The following DENND5B variants were observed in gnomAD, a reference collection of about 807,000 sequenced individuals.
DENND5B encodes DENN domain-containing protein 5B.
DENND5B carries 34 observed loss-of-function variants against 140.6 expected under a neutral mutation model. The ratio of observed to expected loss-of-function variants is 0.24; its 90% CI spans 0.18 to 0.32. DENND5B has a LOEUF of 0.32. Ranked by LOEUF, DENND5B falls within the 10% of genes least tolerant of loss-of-function variation. The probability of loss-of-function intolerance (pLI) is 1.00; values close to 1 mark genes in which losing one functional copy is unlikely to be tolerated. For missense variants in DENND5B, 1,142 were observed against 1,560.2 expected, an observed-to-expected ratio of 0.73 and a Z score of 4.52; for synonymous variants, 551 against 562.1, an observed-to-expected ratio of 0.98 and a Z score of 0.28.
intron 2 of DENND5B, among the ~76,000 whole-genome samples, chr12:31,489,320 T>C (rs991031706): frequency 2.7e-4 from 40 of 148,672 alleles, no homozygotes; most frequent in African/African-American, 9.3e-4. Flanking sequence ...TAAACACTTA[T>C]TTTGTCCCAT....
At chr12:31,462,331 A>G (rs1235995628) in intron 3 of DENND5B, among the ~76,000 whole-genome samples, 1 of 112,912 alleles carries the variant, frequency 8.9e-6, no homozygotes, top group East Asian at 3.2e-4. Context: ...TGTAGGCAAT[A>G]TGGGTCTTTT....
chr12:31,403,049 T>C (rs116793432), intron 14 of DENND5B, among the ~76,000 whole-genome samples: 2 of 152,326 alleles, frequency 1.3e-5, no homozygotes, highest in South Asian at 2.1e-4. Context: ...TGATTACTGA[T>C]ATGGTTTTAT....
chr12:31,507,877 T>C (rs1947264110), intron 1 of DENND5B, among the ~76,000 whole-genome samples: 1 of 152,198 alleles, frequency 6.6e-6, no homozygotes, highest in Non-Finnish European at 1.5e-5. Flanking sequence ...GCAAGAGTTT[T>C]CTCTTATAGA....
At chr12:31,432,953 T>G in intron 8 of DENND5B, 1 of 518,394 alleles carries the variant, frequency 1.9e-6, no homozygotes, top group East Asian at 3.3e-5. Context: ...AGAGCCTTAT[T>G]ATAGATGTCT....
intron 2 of DENND5B, among the ~76,000 whole-genome samples, chr12:31,485,787 A>G (rs1946283235): frequency 6.6e-6 from 1 of 151,536 alleles, no homozygotes; most frequent in African/African-American, 2.4e-5. Flanking sequence ...ACACTCTGGG[A>G]GCCCTGAGGC....
chr12:31,583,748 G>A (rs2139498110), intron 1 of DENND5B, among the ~76,000 whole-genome samples: 1 of 152,170 alleles, frequency 6.6e-6, no homozygotes, highest in African/African-American at 2.4e-5. Context: ...TCTGGCATGT[G>A]GAAAGCACTC....
chr12:31,496,055 G>A, intron 1 of DENND5B, 136 bp from the exon 2 acceptor site: 1 of 541,952 alleles, frequency 1.8e-6, no homozygotes, highest in Non-Finnish European at 3.1e-6. Flanking sequence ...CATCTGTATT[G>A]TAAAATCCCG....
chr12:31,477,964 G>A (rs1444750008), intron 3 of DENND5B: 4 of 222,048 alleles, frequency 1.8e-5, no homozygotes, highest in East Asian at 1.1e-4. Flanking sequence ...GAAATCTGTG[G>A]AGCAGAAAGC....
At chr12:31,494,055 T>C (rs76960580) in intron 2 of DENND5B, among the ~76,000 whole-genome samples, 182 of 152,284 alleles carry the variant, frequency 1.2e-3, no homozygotes, top group Non-Finnish European at 2.2e-3. Context: ...TTCAGGCTTC[T>C]AAGAAGAGCC....
chr12:31,516,458 T>C (rs1432705077), intron 1 of DENND5B, among the ~76,000 whole-genome samples: 1 of 124,694 alleles, frequency 8.0e-6, no homozygotes, highest in Non-Finnish European at 1.6e-5. Flanking sequence ...GCCTGGACAA[T>C]AAGAGTGAGA....
chr12:31,537,374 A>G (rs1388836276), intron 1 of DENND5B, among the ~76,000 whole-genome samples: 19 of 152,172 alleles, frequency 1.2e-4, no homozygotes, highest in Non-Finnish European at 5.9e-5. Flanking sequence ...TTGTGTGTTT[A>G]TGAAAACAGT....
intron 1 of DENND5B, among the ~76,000 whole-genome samples, chr12:31,572,997 T>A (rs1272998976): frequency 6.6e-6 from 1 of 152,190 alleles, no homozygotes; most frequent in Non-Finnish European, 1.5e-5. Context: ...TCTAAGAGCA[T>A]CTTTTAAAGG....
intron 1 of DENND5B, among the ~76,000 whole-genome samples, chr12:31,514,596 A>G (rs974282153): frequency 3.3e-5 from 5 of 152,160 alleles, no homozygotes; most frequent in African/African-American, 1.2e-4. Flanking sequence ...TGGGTGGATC[A>G]CTTGACATTA....
At chr12:31,577,570 G>A (rs1188409280) in intron 1 of DENND5B, among the ~76,000 whole-genome samples, 1 of 151,828 alleles carries the variant, frequency 6.6e-6, no homozygotes, top group East Asian at 1.9e-4. Context: ...AATTAGCCAG[G>A]CGTGGTGGCG....
At chr12:31,498,662 C>T (rs1220288041) in intron 1 of DENND5B, among the ~76,000 whole-genome samples, 1 of 152,016 alleles carries the variant, frequency 6.6e-6, no homozygotes, top group East Asian at 1.9e-4. Flanking sequence ...TGTAGAAATT[C>T]TGATATCACT....
At chr12:31,402,048 G>GC (rs1361582985) in intron 15 of DENND5B, among the ~76,000 whole-genome samples, 1 of 145,132 alleles carries the variant, frequency 6.9e-6, no homozygotes. Context: ...CACAGCCTGG[G>GC]CGAAAGAGCA....
At chr12:31,459,909 T>C (rs1052613400) in intron 4 of DENND5B, among the ~76,000 whole-genome samples, 4 of 152,158 alleles carry the variant, frequency 2.6e-5, no homozygotes, top group Non-Finnish European at 5.9e-5. Context: ...AAAAAATATG[T>C]TACTAGAATA....
At chr12:31,573,987 C>T (rs1289686117) in intron 1 of DENND5B, among the ~76,000 whole-genome samples, 1 of 150,578 alleles carries the variant, frequency 6.6e-6, no homozygotes, top group Non-Finnish European at 1.5e-5. Context: ...AAAAAAGGCA[C>T]AGTGGCTCAT....
intron 1 of DENND5B, among the ~76,000 whole-genome samples, chr12:31,498,936 G>A (rs564839548): frequency 3.5e-4 from 48 of 136,486 alleles, no homozygotes; most frequent in Admixed American, 6.0e-4. Context: ...TCACACCACC[G>A]CACTCTAGCC....
Sources: gnomAD v4.1 joint callset for allele counts (sites outside exome capture counted in the v4.1 genomes callset) on GRCh38, gnomAD v4.1.1 for gene constraint, MANE v1.5 for transcripts, NCBI Gene and HGNC (gene_info 2026-07-23, HGNC 2026-07-21) for gene names.